BICC1: variants seen among roughly 807,000 people sequenced by gnomAD.
BICC1 encodes the protein BicC family RNA binding protein 1.
Under a neutral mutation model 111.0 loss-of-function variants are expected in BICC1, and 43 were observed. That is an observed-to-expected ratio of 0.39 (90% confidence interval 0.30 to 0.50). The LOEUF is 0.50. Among genes scored for constraint, BICC1 ranks in the 20% least tolerant of loss-of-function variants. BICC1 has a pLI of 0.88. For missense variants in BICC1, 1,091 were observed against 1,203.2 expected (o/e 0.91, Z 1.38); for synonymous variants, 467 against 434.4 (o/e 1.07, Z -0.93).
chr10:58,817,264 A>G (rs148099455), intron 18 of BICC1, among the ~76,000 whole-genome samples: 1 of 152,076 alleles, frequency 6.6e-6, no homozygotes, highest in East Asian at 1.9e-4. Context: ...TAAACAACAA[A>G]TGCTTCTGAC....
intron 1 of BICC1, among the ~76,000 whole-genome samples, chr10:58,574,390 T>C (rs1030456107): frequency 2.0e-5 from 3 of 152,170 alleles, no homozygotes; most frequent in African/African-American, 7.2e-5. Flanking sequence ...ACAGGCTCTT[T>C]CAGTTTGCTT....
intron 17 of BICC1, 128 bp downstream of exon 17, chr10:58,807,286 A>T: frequency 1.2e-6 from 1 of 822,148 alleles, no homozygotes; most frequent in South Asian, 2.2e-5. Context: ...TTTTATTTCT[A>T]TTCTTGTAAA....
intron 2 of BICC1, among the ~76,000 whole-genome samples, chr10:58,688,079 T>G (rs1013307380): frequency 2.0e-5 from 3 of 152,152 alleles, no homozygotes; most frequent in African/African-American, 7.2e-5. Flanking sequence ...CGAGTGAAGC[T>G]GCAGACCTTT....
At chr10:58,795,356 G>T (rs983644542) in intron 9 of BICC1, among the ~76,000 whole-genome samples, 1 of 152,140 alleles carries the variant, frequency 6.6e-6, no homozygotes, top group Non-Finnish European at 1.5e-5. Flanking sequence ...TAAAGTTAGG[G>T]AACAGGACAT....
intron 1 of BICC1, among the ~76,000 whole-genome samples, chr10:58,597,562 A>G (rs1355887100): frequency 1.3e-5 from 2 of 152,104 alleles, no homozygotes; most frequent in Non-Finnish European, 2.9e-5. Context: ...TGTGACCACA[A>G]ATTTACCAGG....
At position 58,586,927 on chromosome 10, in the gene BICC1, G is replaced by A. The variant is rs769487320; in HGVS notation, c.191-33928G>A. Among the ~76,000 whole-genome samples the A allele has an allele frequency of 7.2e-5, 11 of 152,228 alleles. No individual in the cohort carries two copies. The South Asian group carries it at 1.5e-3, about 20-fold the overall frequency. ...TGTAGCCAGGTTCTTCTCTGGCCTC[G>A]TTTGCCCATTTGTTCTCTATGGGAG... On this transcript the variant is annotated intron_variant, in intron 1 of 20. Transcript: ENST00000373886.
At chr10:58,630,729 C>A (rs866131361) in intron 2 of BICC1, among the ~76,000 whole-genome samples, 1 of 152,072 alleles carries the variant, frequency 6.6e-6, no homozygotes, top group Non-Finnish European at 1.5e-5. Flanking sequence ...ATTGCATAAT[C>A]CCCTTTTCTT....
intron 3 of BICC1, among the ~76,000 whole-genome samples, chr10:58,718,757 TGTGTGTGTGCGCGCGCGC>T (rs1202019875): frequency 6.7e-6 from 1 of 149,640 alleles, no homozygotes; most frequent in Non-Finnish European, 1.5e-5. Flanking sequence ...TGTGTGTGTG[TGTGTGTGTGCGCGCGCGC>T]GTGCGCGCGT....
intron 2 of BICC1, among the ~76,000 whole-genome samples, chr10:58,665,991 T>G (rs937116867): frequency 2.6e-5 from 4 of 152,172 alleles, no homozygotes; most frequent in Non-Finnish European, 4.4e-5. Context: ...TTCCTTATGT[T>G]CTCATACTTC....
At chr10:58,635,756 C>G (rs1236474836) in intron 2 of BICC1, among the ~76,000 whole-genome samples, 1 of 152,170 alleles carries the variant, frequency 6.6e-6, no homozygotes, top group Non-Finnish European at 1.5e-5. Flanking sequence ...TCTTGTCAAC[C>G]AGTGGTATCC....
intron 2 of BICC1, among the ~76,000 whole-genome samples, chr10:58,682,058 C>T (rs61874072): frequency 0.051 from 6,966 of 135,898 alleles, 252 homozygotes; most frequent in Non-Finnish European, 0.082. Flanking sequence ...TGATGTTCCT[C>T]ACCCTGTGTC....
intron 1 of BICC1, among the ~76,000 whole-genome samples, chr10:58,570,832 A>T (rs1268092749): frequency 6.6e-6 from 1 of 152,190 alleles, no homozygotes; most frequent in African/African-American, 2.4e-5. Flanking sequence ...CTAATTTAGC[A>T]TTGACACAGC....
intron 1 of BICC1, among the ~76,000 whole-genome samples, chr10:58,579,564 C>T (rs1844210786): frequency 1.3e-5 from 2 of 152,168 alleles, no homozygotes; most frequent in African/African-American, 4.8e-5. Flanking sequence ...TACAATCCAT[C>T]CCCTGGCAGA....
chr10:58,609,673 G>A (rs1229905363), intron 1 of BICC1, among the ~76,000 whole-genome samples: 1 of 152,068 alleles, frequency 6.6e-6, no homozygotes, highest in African/African-American at 2.4e-5. Context: ...TTATACCACA[G>A]CATATGTGAA....
At chr10:58,629,318 A>AT (rs5785330) in intron 2 of BICC1, among the ~76,000 whole-genome samples, 1 of 150,974 alleles carries the variant, frequency 6.6e-6, no homozygotes, top group African/African-American at 2.4e-5. Flanking sequence ...TCGTAGATTG[A>AT]TTTTTTTTTT....
Position 58,715,114 on chromosome 10 carries a change from G to A in BICC1, c.307+12971G>A, listed in dbSNP as rs954302321. On this transcript the variant is annotated intron_variant, in intron 3 of 20. Coordinates refer to ENST00000373886, the MANE Select transcript of BICC1 (RefSeq NM_001080512.3). ...ATAATAATTAGGAGGGAGAATAAAC[G>A]ACATCTTGGTTTTTTAAAAGTCCTT... 4.0e-5 allele frequency among the ~76,000 whole-genome samples: 6 copies of A among 151,716 alleles called. No homozygotes were observed. In the East Asian group the frequency reaches 7.7e-4, roughly 20 times the overall value.
chr10:58,827,553 G>T (rs1291619445), intron 20 of BICC1, among the ~76,000 whole-genome samples: 1 of 152,198 alleles, frequency 6.6e-6, no homozygotes, highest in Non-Finnish European at 1.5e-5. Context: ...GAGATGACTT[G>T]ATGGCGATGC....
At chr10:58,780,378 G>T (rs1299749344) in intron 3 of BICC1, among the ~76,000 whole-genome samples, 3 of 152,104 alleles carry the variant, frequency 2.0e-5, no homozygotes, top group Non-Finnish European at 4.4e-5. Context: ...GGATTTTTCT[G>T]TTGTTTTCTG....
intron 3 of BICC1, among the ~76,000 whole-genome samples, chr10:58,706,827 C>T (rs1589044149): frequency 6.6e-6 from 1 of 152,208 alleles, no homozygotes; most frequent in East Asian, 1.9e-4. Context: ...AATTAAAGCT[C>T]TTTCCTTTAT....
Sources: allele counts gnomAD v4.1 joint callset (sites outside exome capture counted in the v4.1 genomes callset), GRCh38; gene constraint gnomAD v4.1.1; transcripts MANE v1.5; gene names NCBI Gene and HGNC (gene_info 2026-07-23, HGNC 2026-07-21).